Variants in CDH2 observed in about 807,000 individuals in gnomAD.
CDH2 encodes cadherin-2.
CDH2 carries 17 observed loss-of-function variants against 92.0 expected under a neutral mutation model. The observed-to-expected ratio is 0.18, with a 90% confidence interval of 0.13 to 0.28. The LOEUF is 0.28. Ranked by LOEUF, CDH2 falls within the 10% of genes least tolerant of loss-of-function variation. The pLI, the probability that CDH2 is intolerant of heterozygous loss-of-function variation, is 1.00. For synonymous variants in CDH2, 419 were observed against 415.9 expected (o/e 1.01, Z -0.09); for missense variants, 862 against 1,133.1 (o/e 0.76, Z 3.44).
chr18:28,062,910 T>G (rs1293552010), intron 2 of CDH2, among the ~76,000 whole-genome samples: 1 of 151,826 alleles, frequency 6.6e-6, no homozygotes, highest in East Asian at 1.9e-4. Context: ...GAGGAGGAGG[T>G]TGCAGAGAGC....
intron 14 of CDH2, among the ~76,000 whole-genome samples, chr18:27,979,831 A>G (rs1002463992): frequency 2.6e-5 from 4 of 152,200 alleles, no homozygotes; most frequent in African/African-American, 9.7e-5. Flanking sequence ...TTGTGGGTAT[A>G]AGGGAAGCTT....
intron 15 of CDH2, among the ~76,000 whole-genome samples, chr18:27,958,596 A>C (rs535841447): frequency 1.7e-4 from 25 of 150,570 alleles, no homozygotes; most frequent in Non-Finnish European, 2.5e-4. Flanking sequence ...TATATAAATA[A>C]GTGTATATTT....
intron 2 of CDH2, among the ~76,000 whole-genome samples, chr18:28,053,536 GT>G (rs952750241): frequency 6.6e-6 from 1 of 152,102 alleles, no homozygotes; most frequent in African/African-American, 2.4e-5. Flanking sequence ...AACTCGCTGA[GT>G]TTTGGTTAGT....
At chr18:28,172,065 C>T (rs2016472255) in intron 1 of CDH2, among the ~76,000 whole-genome samples, 1 of 150,074 alleles carries the variant, frequency 6.7e-6, no homozygotes, top group Non-Finnish European at 1.5e-5. Context: ...CAGTCCTCAA[C>T]ATACATTTGG....
intron 2 of CDH2, among the ~76,000 whole-genome samples, chr18:28,043,486 ATATATATAAATATATATATATATATATAT>A (rs2013999561): frequency 2.6e-5 from 2 of 75,712 alleles, no homozygotes; most frequent in Admixed American, 1.7e-4. Flanking sequence ...ATATATATAT[ATATATATAAATATATATATATATATATAT>A]AAACAGGTTT....
chr18:28,160,422 A>G (rs2016289979), intron 1 of CDH2, among the ~76,000 whole-genome samples: 1 of 152,154 alleles, frequency 6.6e-6, no homozygotes, highest in Non-Finnish European at 1.5e-5. Flanking sequence ...CCTAAAGACT[A>G]GTCAATGAGC....
chr18:27,956,314 C>T (rs563670892), intron 15 of CDH2, among the ~76,000 whole-genome samples: 1 of 152,308 alleles, frequency 6.6e-6, no homozygotes, highest in South Asian at 2.1e-4. Flanking sequence ...TAAAGCTGAA[C>T]TGTCTTCTAA....
At chr18:28,119,391 C>T (rs1228567260) in intron 2 of CDH2, among the ~76,000 whole-genome samples, 2 of 152,054 alleles carry the variant, frequency 1.3e-5, no homozygotes, top group Non-Finnish European at 2.9e-5. Context: ...CAATCAGACA[C>T]AGACCACCAC....
chr18:27,957,245 A>G (rs2011273436), intron 15 of CDH2, among the ~76,000 whole-genome samples: 1 of 151,110 alleles, frequency 6.6e-6, no homozygotes, highest in African/African-American at 2.4e-5. Flanking sequence ...GGTCCCTTCT[A>G]CTTTTTTATT....
At chr18:28,122,541 C>T (rs1346184713) in intron 2 of CDH2, among the ~76,000 whole-genome samples, 1 of 152,080 alleles carries the variant, frequency 6.6e-6, no homozygotes, top group Non-Finnish European at 1.5e-5. Flanking sequence ...TATTGGACTC[C>T]ATGGTAAAGA....
At chr18:28,144,285 A>C (rs1174510831) in intron 2 of CDH2, among the ~76,000 whole-genome samples, 1 of 152,082 alleles carries the variant, frequency 6.6e-6, no homozygotes, top group Admixed American at 6.6e-5. Flanking sequence ...GAAAAACGCA[A>C]AGTAAAAATG....
chr18:28,130,953 A>C (rs1445620538), intron 2 of CDH2, among the ~76,000 whole-genome samples: 1 of 152,194 alleles, frequency 6.6e-6, no homozygotes, highest in Non-Finnish European at 1.5e-5. Flanking sequence ...ATGCATGGAC[A>C]CGCACGCTAA....
At position 28,011,998 on chromosome 18, in the gene CDH2, C is replaced by A; in HGVS notation, c.400-6G>T. 6.2e-7 allele frequency: 1 copy of A among 1,611,992 alleles called. No homozygotes were observed. Among genetic ancestry groups the A allele is most frequent in the Non-Finnish European group, 8.5e-7 (1 of 1,178,796 alleles). On this transcript the variant is annotated splice_polypyrimidine_tract_variant and splice_region_variant and intron_variant, in intron 3 of 15. Coordinates refer to ENST00000269141, the MANE Select transcript of CDH2 (RefSeq NM_001792.5). ...TCTTCAACTTCTGCTGACTCCTTTA[C>A]ATTAAAATAGAAGACATTCCTGAGT...
intron 2 of CDH2, among the ~76,000 whole-genome samples, chr18:28,124,398 C>T (rs1417790222): frequency 2.0e-5 from 3 of 152,054 alleles, no homozygotes; most frequent in Non-Finnish European, 2.9e-5. Flanking sequence ...AAAAGGAAAA[C>T]CACACCCCTT....
intron 2 of CDH2, among the ~76,000 whole-genome samples, chr18:28,095,807 C>CAAAAAAAAAAAAAAAAAAAA (rs33981188): frequency 9.7e-5 from 10 of 102,920 alleles, no homozygotes; most frequent in African/African-American, 3.7e-4. Context: ...GCAACTCCAT[C>CAAAAAAAAAAAAAAAAAAAA]AAAAAAAAAA....
chr18:28,010,710 T>C (rs965332968), intron 4 of CDH2, among the ~76,000 whole-genome samples: 5 of 151,608 alleles, frequency 3.3e-5, no homozygotes, highest in African/African-American at 1.2e-4. Context: ...CACTCTGTCG[T>C]CCAGGCTGGA....
At chr18:27,977,398 C>G (rs906452928) in intron 14 of CDH2, among the ~76,000 whole-genome samples, 1 of 151,946 alleles carries the variant, frequency 6.6e-6, no homozygotes, top group Non-Finnish European at 1.5e-5. Flanking sequence ...CCTTAGGCAC[C>G]TCTTAGTTAT....
chr18:28,057,470 A>G (rs563710689), intron 2 of CDH2, among the ~76,000 whole-genome samples: 1 of 152,154 alleles, frequency 6.6e-6, no homozygotes, highest in South Asian at 2.1e-4. Flanking sequence ...GTTTGAGACC[A>G]GCCTGGTCAA....
intron 2 of CDH2, among the ~76,000 whole-genome samples, chr18:28,105,175 G>C (rs2015301711): frequency 6.6e-6 from 1 of 152,032 alleles, no homozygotes; most frequent in Non-Finnish European, 1.5e-5. Context: ...GTTCCATCCT[G>C]TTCTAAAAAT....
Sources: allele counts gnomAD v4.1 joint callset (sites outside exome capture counted in the v4.1 genomes callset), GRCh38; gene constraint gnomAD v4.1.1; transcripts MANE v1.5; gene names NCBI Gene and HGNC (gene_info 2026-07-23, HGNC 2026-07-21).